The following LUZP2 variants were observed in gnomAD, a reference collection of about 807,000 sequenced individuals.
LUZP2 encodes the protein leucine zipper protein 2.
Under a neutral mutation model 51.6 loss-of-function variants are expected in LUZP2, and 52 were observed. The observed-to-expected ratio is 1.01, with a 90% CI of 0.81 to 1.27. LUZP2 has a LOEUF of 1.27. Among genes scored for constraint, LUZP2 ranks in the 50% most tolerant of loss-of-function variants. LUZP2 has a pLI of 0.00. For missense variants in LUZP2, 436 were observed against 395.4 expected (o/e 1.10, Z -0.87); for synonymous variants, 154 against 137.3 (o/e 1.12, Z -0.85).
intron 10 of LUZP2, among the ~76,000 whole-genome samples, chr11:25,061,562 T>C (rs1005868313): frequency 2.0e-5 from 3 of 152,188 alleles, no homozygotes; most frequent in African/African-American, 7.2e-5. Context: ...GCTTTCCTGA[T>C]TAATTTGCAT....
chr11:25,031,027 T>TC (rs1857669723), intron 9 of LUZP2, among the ~76,000 whole-genome samples: 1 of 88,378 alleles, frequency 1.1e-5, no homozygotes, highest in Non-Finnish European at 2.2e-5. Context: ...TTTTTTTTTT[T>TC]TTTGAGACAG....
At chr11:25,014,397 C>A in intron 9 of LUZP2, among the ~76,000 whole-genome samples, 1 of 152,206 alleles carries the variant, frequency 6.6e-6, no homozygotes, top group Non-Finnish European at 1.5e-5. Context: ...TTCTCCACAT[C>A]CTCTCCAGCA....
Position 24,667,239 on chromosome 11 carries a change from A to G in LUZP2, c.63-61930A>G, listed in dbSNP as rs533281326. Among the ~76,000 whole-genome samples the G allele has an allele frequency of 3.8e-4, 53 of 140,456 alleles. 1 individual carries two copies. Among genetic ancestry groups the G allele is most frequent in the African/African-American group, 1.4e-3 (50 of 36,478 alleles). The allele number at this position is 140,456 out of a possible 152,430, so 92.1% of individuals were successfully genotyped here. A position where few individuals can be genotyped will look rare whatever the true frequency, so the allele number is the denominator to read the frequency against. ...CACTATGTCACACAGGCTGGAGTGC[A>G]GTGGCACGATCTCGGATCATTGCAA... On this transcript the variant is annotated intron_variant, in intron 1 of 11. Transcript: ENST00000336930.
intron 9 of LUZP2, among the ~76,000 whole-genome samples, chr11:24,989,239 G>A (rs1856266250): frequency 6.6e-6 from 1 of 151,916 alleles, no homozygotes; most frequent in Admixed American, 6.6e-5. Context: ...TCACATGCGG[G>A]GGAAGTCACA....
chr11:24,892,187 C>T (rs1852876214), intron 5 of LUZP2: 1 of 985,550 alleles, frequency 1.0e-6, no homozygotes. Flanking sequence ...TTTTTACCTT[C>T]TGTGGTTGTG....
chr11:24,876,059 T>C (rs1852250755), intron 5 of LUZP2, among the ~76,000 whole-genome samples: 1 of 152,100 alleles, frequency 6.6e-6, no homozygotes, highest in Non-Finnish European at 1.5e-5. Context: ...AGGTTGTCTG[T>C]TCACTCTGAT....
Position 24,627,653 on chromosome 11 carries a change from C to T in LUZP2, c.63-101516C>T, listed in dbSNP as rs80204247. 4.0e-3 allele frequency among the ~76,000 whole-genome samples: 602 copies of T among 152,280 alleles called. 4 individuals carry two copies. The highest frequency in any genetic ancestry group is 0.014 in the African/African-American group (566 of 41,560). ...CCAGTGTTCTGTTTGCAAAACCCAC[C>T]TCTGGAAGGATTCTCAACTTGAATT... On this transcript the variant is annotated intron_variant, in intron 1 of 11. Coordinates refer to ENST00000336930, the MANE Select transcript of LUZP2 (RefSeq NM_001009909.4).
intron 7 of LUZP2, among the ~76,000 whole-genome samples, chr11:24,927,442 G>A (rs1854313254): frequency 6.6e-6 from 1 of 152,012 alleles, no homozygotes; most frequent in Non-Finnish European, 1.5e-5. Context: ...TGTATACGGT[G>A]AGAGGAGTAT....
chr11:24,580,601 A>G (rs1344597757), intron 1 of LUZP2, among the ~76,000 whole-genome samples: 3 of 152,106 alleles, frequency 2.0e-5, no homozygotes, highest in Admixed American at 6.5e-5. Flanking sequence ...CTTTCACAAA[A>G]CAAAAAAAAA....
At chr11:24,672,266 T>G (rs1032827284) in intron 1 of LUZP2, among the ~76,000 whole-genome samples, 1 of 152,162 alleles carries the variant, frequency 6.6e-6, no homozygotes, top group East Asian at 1.9e-4. Flanking sequence ...TGACCAGTAT[T>G]GTAAAATTAG....
intron 10 of LUZP2, among the ~76,000 whole-genome samples, chr11:25,053,652 C>A (rs1022973466): frequency 1.3e-5 from 2 of 151,638 alleles, no homozygotes; most frequent in Admixed American, 1.3e-4. Context: ...TTGCTGAAAA[C>A]CATTTTATTG....
intron 5 of LUZP2, among the ~76,000 whole-genome samples, chr11:24,777,055 T>C (rs903017650): frequency 1.3e-5 from 2 of 149,762 alleles, no homozygotes; most frequent in African/African-American, 2.5e-5. Context: ...AGTGCAGTGG[T>C]GTGATCTCGG....
At chr11:24,992,591 G>T (rs1287960737) in intron 9 of LUZP2, among the ~76,000 whole-genome samples, 1 of 152,086 alleles carries the variant, frequency 6.6e-6, no homozygotes, top group South Asian at 2.1e-4. Flanking sequence ...ATTAATATTT[G>T]TTGAATGAAT....
At chr11:25,059,736 G>C (rs943598997) in intron 10 of LUZP2, among the ~76,000 whole-genome samples, 3 of 152,078 alleles carry the variant, frequency 2.0e-5, no homozygotes, top group Non-Finnish European at 4.4e-5. Context: ...CACAAAAGGA[G>C]GAGAGGAAAA....
chr11:25,070,773 GT>G (rs1295993017), intron 10 of LUZP2, among the ~76,000 whole-genome samples: 3 of 36,478 alleles, frequency 8.2e-5, no homozygotes, highest in African/African-American at 3.0e-4. Flanking sequence ...TGTGTATGGT[GT>G]GTGTGTGTGT....
intron 3 of LUZP2, among the ~76,000 whole-genome samples, chr11:24,737,501 T>TA (rs74313884): frequency 2.7e-5 from 4 of 150,358 alleles, no homozygotes; most frequent in South Asian, 4.2e-4. Flanking sequence ...ATAGCTCGAG[T>TA]AAAAAAAAAT....
intron 1 of LUZP2, among the ~76,000 whole-genome samples, chr11:24,691,863 A>G (rs1474515652): frequency 2.0e-5 from 3 of 151,916 alleles, no homozygotes; most frequent in Non-Finnish European, 4.4e-5. Context: ...ATTTTTTGTG[A>G]CTTGGGGTCA....
chr11:24,700,134 TC>T (rs925239236), intron 1 of LUZP2, among the ~76,000 whole-genome samples: 1 of 145,926 alleles, frequency 6.9e-6, no homozygotes, highest in African/African-American at 2.5e-5. Flanking sequence ...CAATCTCTGC[TC>T]ACTGCAACCT....
chr11:24,750,666 CT>C (rs202052798), intron 4 of LUZP2, among the ~76,000 whole-genome samples: 1 of 152,032 alleles, frequency 6.6e-6, no homozygotes, highest in East Asian at 1.9e-4. Context: ...TGTTTGGCAA[CT>C]TTTTTTATGA....
Sources: allele counts gnomAD v4.1 joint callset (sites outside exome capture counted in the v4.1 genomes callset), GRCh38; gene constraint gnomAD v4.1.1; transcripts MANE v1.5; gene names NCBI Gene and HGNC (gene_info 2026-07-23, HGNC 2026-07-21).